Variants in MYO3B observed in about 807,000 individuals in gnomAD.
The protein encoded by MYO3B is myosin-IIIb.
In MYO3B, 156 loss-of-function variants were observed where a neutral mutation model predicts 174.6. The observed-to-expected ratio is 0.89, with a 90% CI of 0.78 to 1.02. The LOEUF is 1.02. Among genes scored for constraint, MYO3B ranks in the 50% least tolerant of loss-of-function variants. MYO3B has a pLI of 0.00. For synonymous variants in MYO3B, 563 were observed against 569.1 expected, an observed-to-expected ratio of 0.99 and a Z score of 0.15; for missense variants, 1,632 against 1,639.4, an observed-to-expected ratio of 1.00 and a Z score of 0.08.
chr2:170,456,648 A>G (rs1559018851), intron 23 of MYO3B, among the ~76,000 whole-genome samples: 1 of 152,266 alleles, frequency 6.6e-6, no homozygotes. Flanking sequence ...TCCTTCTGCC[A>G]CTGAACGCAC....
intron 25 of MYO3B, among the ~76,000 whole-genome samples, chr2:170,496,054 A>G (rs1195874355): frequency 1.3e-5 from 2 of 152,182 alleles, no homozygotes; most frequent in South Asian, 2.1e-4. Flanking sequence ...GATATCTGCT[A>G]TGAGCAGGTT....
At position 170,383,101 on chromosome 2, in the gene MYO3B, G is replaced by A. The variant is rs202161503; in HGVS notation, c.1097G>A (p.Arg366His). The change falls in exon 11 of 35, where the codon CGT becomes CAT. Residue 366 changes from arginine to histidine, a missense_variant. Arg to His is a conservative substitution (Grantham distance 29). Transcript: ENST00000408978. ...ACAATTATCCATCAGTTGCAGAAACGTTATGCAGACTTGCTAATTTACACA... is the reference window on the plus strand; with the variant it reads ...ACAATTATCCATCAGTTGCAGAAACATTATGCAGACTTGCTAATTTACACA... Reference protein sequence around the residue: ...EDTIIHQLQKRYADLLIYTYV... With the variant: ...EDTIIHQLQKHYADLLIYTYV... 4.0e-4 allele frequency: 652 copies of A among 1,612,312 alleles called. 3 individuals carry two copies. Among genetic ancestry groups the A allele is most frequent in the Non-Finnish European group, 1.7e-4 (201 of 1,178,780 alleles).
At chr2:170,471,713 G>A (rs542206795) in intron 25 of MYO3B, among the ~76,000 whole-genome samples, 4 of 152,038 alleles carry the variant, frequency 2.6e-5, no homozygotes, top group South Asian at 2.1e-4. Context: ...TGACCAGGCC[G>A]GGGCGCAGTG....
At chr2:170,403,660 A>G (rs2094492828) in intron 19 of MYO3B, among the ~76,000 whole-genome samples, 1 of 152,216 alleles carries the variant, frequency 6.6e-6, no homozygotes, top group Non-Finnish European at 1.5e-5. Context: ...TCTTCGATGC[A>G]GGGATAATTG....
At chr2:170,379,426 CT>C (rs1164983970) in intron 9 of MYO3B, among the ~76,000 whole-genome samples, 5 of 152,176 alleles carry the variant, frequency 3.3e-5, no homozygotes, top group Non-Finnish European at 7.3e-5. Context: ...ATCTCTTGAC[CT>C]TGTGATCCAC....
At position 170,435,346 on chromosome 2, in the gene MYO3B, G is replaced by A. The variant is rs376247201; in HGVS notation, c.2651-8621G>A. Reference sequence around the variant, plus strand: ...GCAAGGGGAGGACTTTGAAAGGAGAGATGATAGGAATCATAGGTAATGAAC... The same window carrying A: ...GCAAGGGGAGGACTTTGAAAGGAGAAATGATAGGAATCATAGGTAATGAAC... On this transcript the variant is annotated intron_variant, in intron 22 of 34. Coordinates refer to ENST00000408978, the MANE Select transcript of MYO3B (RefSeq NM_138995.5). 2.6e-5 allele frequency among the ~76,000 whole-genome samples: 4 copies of A among 152,338 alleles called. No individual in the cohort carries two copies. The South Asian group carries it at 8.3e-4, about 32-fold the overall frequency.
chr2:170,267,040 T>C (rs2093389024), intron 7 of MYO3B, among the ~76,000 whole-genome samples: 2 of 152,220 alleles, frequency 1.3e-5, no homozygotes, highest in Non-Finnish European at 1.5e-5. Flanking sequence ...TCTAGAGATA[T>C]ATTTCTGTAT....
rs747055714 is a variant in MYO3B at position 170,306,256 on chromosome 2, G to A, written c.750-29129G>A. On this transcript the variant is annotated intron_variant, in intron 7 of 34. Coordinates refer to ENST00000408978, the MANE Select transcript of MYO3B (RefSeq NM_138995.5). The stretch of plus-strand genomic sequence containing the variant: ...TTTGAAGATCTAAATTTCCAAACTG[G>A]CACCACATATCCGCAAGATACTGTT... 8.2e-4 allele frequency among the ~76,000 whole-genome samples: 125 copies of A among 152,150 alleles called. 6 individuals carry two copies. Among genetic ancestry groups the A allele is most frequent in the Non-Finnish European group, 4.7e-4 (32 of 68,032 alleles).
intron 28 of MYO3B, among the ~76,000 whole-genome samples, chr2:170,503,587 C>G (rs1000360995): frequency 1.3e-5 from 2 of 148,272 alleles, no homozygotes; most frequent in South Asian, 4.4e-4. Context: ...AGGTGCCTTC[C>G]TTTTTTTTAG....
rs143293646 is a variant in MYO3B, at chr2:170,360,652, C to A, written c.816-8570C>A. Among the ~76,000 whole-genome samples, 12 of 152,300 alleles carry A rather than the reference C, an allele frequency of 7.9e-5. No homozygotes were observed. The East Asian group carries it at 1.9e-3, about 24-fold the overall frequency. On this transcript the variant is annotated intron_variant, in intron 8 of 34. Transcript: ENST00000408978. ...GTCTCCTCCAAAATTCAGGTGCTGGCTTTGTGATAGTATTAAGAGGTGGGT... is the reference window on the plus strand; with the variant it reads ...GTCTCCTCCAAAATTCAGGTGCTGGATTTGTGATAGTATTAAGAGGTGGGT...
intron 16 of MYO3B, among the ~76,000 whole-genome samples, chr2:170,393,581 G>A (rs1180636880): frequency 1.3e-5 from 2 of 152,124 alleles, no homozygotes; most frequent in Non-Finnish European, 2.9e-5. Flanking sequence ...TGAATTATTA[G>A]GAGGTAGGTG....
chr2:170,642,970 T>A (rs1340275735), intron 32 of MYO3B, among the ~76,000 whole-genome samples: 4 of 152,008 alleles, frequency 2.6e-5, no homozygotes, highest in Non-Finnish European at 5.9e-5. Context: ...AAGGAAAGAT[T>A]TAATATGGTC....
intron 32 of MYO3B, among the ~76,000 whole-genome samples, chr2:170,609,522 C>T (rs1379970648): frequency 1.3e-5 from 2 of 152,150 alleles, no homozygotes; most frequent in Non-Finnish European, 2.9e-5. Flanking sequence ...GGAAGAGAGA[C>T]AACTATGTAA....
chr2:170,456,724 CTAA>C (rs994925164), intron 23 of MYO3B, among the ~76,000 whole-genome samples: 3 of 152,180 alleles, frequency 2.0e-5, no homozygotes, highest in Non-Finnish European at 4.4e-5. Context: ...GGAAGGAGAA[CTAA>C]TGTTATTTGT....
At chr2:170,612,681 T>G (rs1695196043) in intron 32 of MYO3B, among the ~76,000 whole-genome samples, 2 of 152,154 alleles carry the variant, frequency 1.3e-5, no homozygotes, top group African/African-American at 4.8e-5. Context: ...GAGTAAGGAT[T>G]CTGGGTGCAA....
chr2:170,385,411 T>G (rs2094366712), intron 12 of MYO3B, among the ~76,000 whole-genome samples: 1 of 152,104 alleles, frequency 6.6e-6, no homozygotes, highest in African/African-American at 2.4e-5. Flanking sequence ...AGGGGCTCCT[T>G]GTGAATAACG....
chr2:170,539,628 T>A (rs76995654), intron 30 of MYO3B, among the ~76,000 whole-genome samples: 62,133 of 151,748 alleles, frequency 0.41, 15,054 homozygotes, highest in East Asian at 0.66. Flanking sequence ...TATTTATTTT[T>A]TTTTTTTTGA....
At chr2:170,286,734 T>A (rs2093558847) in intron 7 of MYO3B, among the ~76,000 whole-genome samples, 1 of 152,102 alleles carries the variant, frequency 6.6e-6, no homozygotes, top group Non-Finnish European at 1.5e-5. Context: ...GTCCTCCAGT[T>A]AAGTTGTTTT....
At chr2:170,205,511 C>G (rs1331001758) in intron 3 of MYO3B, among the ~76,000 whole-genome samples, 1 of 152,160 alleles carries the variant, frequency 6.6e-6, no homozygotes, top group African/African-American at 2.4e-5. Flanking sequence ...TTCTGTTGTG[C>G]TTTGCATCCC....
Sources: allele counts gnomAD v4.1 joint callset (sites outside exome capture counted in the v4.1 genomes callset), GRCh38; gene constraint gnomAD v4.1.1; transcripts MANE v1.5; gene names NCBI Gene and HGNC (gene_info 2026-07-23, HGNC 2026-07-21).